The following TMEM244 variants were observed in gnomAD, a reference collection of about 807,000 sequenced individuals.
The protein encoded by TMEM244 is putative transmembrane protein 244.
In TMEM244, 13 loss-of-function variants were observed where a neutral mutation model predicts 15.8. That is an observed-to-expected ratio of 0.82 (90% confidence interval 0.53 to 1.30). The LOEUF is 1.30. TMEM244 is among the 50% of genes most tolerant of loss of function. The probability of loss-of-function intolerance (pLI) is 0.00; values close to 1 mark genes in which losing one functional copy is unlikely to be tolerated. For synonymous variants in TMEM244, 45 were observed against 48.7 expected (o/e 0.92, Z 0.32); for missense variants, 161 against 144.9 (o/e 1.11, Z -0.57).
chr6:129,837,264 A>G (rs887366898), intron 3 of TMEM244, among the ~76,000 whole-genome samples: 1 of 152,222 alleles, frequency 6.6e-6, no homozygotes, highest in South Asian at 2.1e-4. Flanking sequence ...AGTGGGGGCC[A>G]ATATTCAACA....
intron 1 of TMEM244, among the ~76,000 whole-genome samples, chr6:129,860,147 GTC>G (rs5879981): frequency 0.031 from 3,695 of 119,820 alleles, 73 homozygotes; most frequent in East Asian, 0.14. Context: ...GTGTGTGTGT[GTC>G]TGTCTGTCTG....
At chr6:129,857,666 T>C (rs796493294) in intron 1 of TMEM244, among the ~76,000 whole-genome samples, 77 of 152,162 alleles carry the variant, frequency 5.1e-4, no homozygotes, top group African/African-American at 1.7e-3. Context: ...AACCCTAACA[T>C]ATGTTTAGAT....
intron 4 of TMEM244, 147 bp downstream of exon 4, chr6:129,833,313 G>A (rs1776357068): frequency 1.1e-6 from 1 of 902,650 alleles, no homozygotes; most frequent in Non-Finnish European, 1.5e-6. Flanking sequence ...TGGCTGGAAA[G>A]AGGGATGAAG....
intron 3 of TMEM244, among the ~76,000 whole-genome samples, chr6:129,836,161 G>A (rs1335088434): frequency 6.6e-6 from 1 of 152,106 alleles, no homozygotes; most frequent in Non-Finnish European, 1.5e-5. Flanking sequence ...CTCCCAGTAG[G>A]GGCCGACAGA....
intron 3 of TMEM244, among the ~76,000 whole-genome samples, chr6:129,835,680 A>G (rs1428099929): frequency 5.9e-5 from 9 of 152,134 alleles, no homozygotes; most frequent in African/African-American, 2.2e-4. Context: ...CTGTATGTGG[A>G]GAAACAGTGC....
intron 1 of TMEM244, among the ~76,000 whole-genome samples, chr6:129,850,068 T>C (rs1776615664): frequency 6.6e-6 from 1 of 152,196 alleles, no homozygotes; most frequent in South Asian, 2.1e-4. Context: ...AGAGGTCTTG[T>C]AACTTTCTGA....
chr6:129,848,827 G>C (rs1195570511), intron 1 of TMEM244, among the ~76,000 whole-genome samples: 2 of 151,904 alleles, frequency 1.3e-5, no homozygotes, highest in Non-Finnish European at 2.9e-5. Context: ...CTTTTAATTT[G>C]AACATTAATA....
At chr6:129,861,074 G>A in intron 1 of TMEM244, 82 bp downstream of exon 1, 2 of 1,487,746 alleles carry the variant, frequency 1.3e-6, no homozygotes, top group Admixed American at 3.5e-5. Context: ...CACTGACAGA[G>A]AGGCCATTTA....
intron 3 of TMEM244, among the ~76,000 whole-genome samples, chr6:129,835,781 C>A (rs1244234161): frequency 6.6e-6 from 1 of 152,216 alleles, no homozygotes; most frequent in Non-Finnish European, 1.5e-5. Flanking sequence ...AGGTCCCACA[C>A]CCACGGAGCC....
At chr6:129,836,656 G>T (rs1052212574) in intron 3 of TMEM244, among the ~76,000 whole-genome samples, 6 of 152,116 alleles carry the variant, frequency 3.9e-5, no homozygotes. Flanking sequence ...CTAACCCATT[G>T]CAAGGAAGCT....
chr6:129,851,449 T>C (rs972185675), intron 1 of TMEM244, among the ~76,000 whole-genome samples: 1 of 152,114 alleles, frequency 6.6e-6, no homozygotes, highest in African/African-American at 2.4e-5. Context: ...TTTGTATTTT[T>C]AGTAGAGACG....
At chr6:129,842,698 C>T (rs764509623) in intron 3 of TMEM244, among the ~76,000 whole-genome samples, 2 of 151,362 alleles carry the variant, frequency 1.3e-5, no homozygotes, top group African/African-American at 2.4e-5. Flanking sequence ...TGTAAGTATG[C>T]GATTTATTTT....
At chr6:129,859,568 ATAGT>A (rs1373664154) in intron 1 of TMEM244, among the ~76,000 whole-genome samples, 1 of 152,252 alleles carries the variant, frequency 6.6e-6, no homozygotes, top group Non-Finnish European at 1.5e-5. Flanking sequence ...TTAGTTTAAC[ATAGT>A]TAGGAAACAT....
chr6:129,840,353 G>T (rs985147076), intron 3 of TMEM244, among the ~76,000 whole-genome samples: 78 of 152,160 alleles, frequency 5.1e-4, no homozygotes, highest in African/African-American at 1.8e-3. Flanking sequence ...TTAATAAATG[G>T]TGCTGGGAAA....
chr6:129,850,224 G>A (rs1270530317), intron 1 of TMEM244, among the ~76,000 whole-genome samples: 2 of 152,160 alleles, frequency 1.3e-5, no homozygotes, highest in African/African-American at 4.8e-5. Context: ...AAACCTTGAT[G>A]GAGAGGGGTT....
Position 129,833,548 on chromosome 6 carries a change from A to G in TMEM244, c.231T>C (p.Cys77=). ...CCACAACTGGAACAAAAAACAATCC[A>G]CAAACAAAGTAGGTGACCTCTGTTG... ...LVSTEVTYFV[C]GLFFVPVVEE... The change falls in exon 4 of 5, where the codon TGT becomes TGC. Residue 77 remains cysteine (C), a synonymous_variant. Transcript: ENST00000368143. 5.0e-6 allele frequency: 8 copies of G among 1,612,880 alleles called. No individual in the cohort carries two copies. Among genetic ancestry groups the G allele is most frequent in the Non-Finnish European group, 6.8e-6 (8 of 1,179,426 alleles).
At chr6:129,847,277 G>A (rs1421089983) in intron 1 of TMEM244, among the ~76,000 whole-genome samples, 1 of 152,126 alleles carries the variant, frequency 6.6e-6, no homozygotes, top group Non-Finnish European at 1.5e-5. Context: ...CATGAGAAAT[G>A]CTCAGTTTAC....
chr6:129,847,055 A>G (rs573631946), intron 1 of TMEM244, among the ~76,000 whole-genome samples: 1 of 152,368 alleles, frequency 6.6e-6, no homozygotes, highest in South Asian at 2.1e-4. Flanking sequence ...TTTGTAATAT[A>G]TATCACAGGA....
rs191282599 is a variant in TMEM244 at position 129,847,742 on chromosome 6, G to A, written c.34-1890C>T. On this transcript the variant is annotated intron_variant, in intron 1 of 4. Transcript: ENST00000368143. The stretch of plus-strand genomic sequence containing the variant: ...ATTCTCATCCCCAGTTCACTCTCAG[G>A]ATCTCACATTCCTTGTTTCTTTTTT... 2.9e-3 allele frequency among the ~76,000 whole-genome samples: 440 copies of A among 151,150 alleles called. 7 individuals carry two copies. Among genetic ancestry groups the A allele is most frequent in the African/African-American group, 0.01 (432 of 41,178 alleles).
Sources: gnomAD v4.1 joint callset for allele counts (sites outside exome capture counted in the v4.1 genomes callset) on GRCh38, gnomAD v4.1.1 for gene constraint, MANE v1.5 for transcripts, NCBI Gene and HGNC (gene_info 2026-07-23, HGNC 2026-07-21) for gene names.